The following CCDC7 variants were observed in gnomAD, a reference collection of about 807,000 sequenced individuals.
CCDC7 encodes the protein coiled-coil domain containing 7.
In CCDC7, 183 loss-of-function variants were observed where a neutral mutation model predicts 196.9. That is an observed-to-expected ratio of 0.93 (90% CI 0.82 to 1.05). The LOEUF is 1.05. Among genes scored for constraint, CCDC7 ranks in the 50% least tolerant of loss-of-function variants. The pLI is 0.00. For missense variants in CCDC7, 1,540 were observed against 1,482.2 expected, an observed-to-expected ratio of 1.04 and a Z score of -0.64; for synonymous variants, 525 against 484.6, an observed-to-expected ratio of 1.08 and a Z score of -1.10.
chr10:32,778,892 C>G, intron 28 of CCDC7, 85 bp from the exon 30 acceptor site: 1 of 928,744 alleles, frequency 1.1e-6, no homozygotes, highest in Non-Finnish European at 1.7e-6. Flanking sequence ...AGATCTTTCA[C>G]CTTCTTGGTT....
intron 11 of CCDC7, among the ~76,000 whole-genome samples, chr10:32,537,193 T>A (rs1033373287): frequency 1.3e-5 from 2 of 152,202 alleles, no homozygotes; most frequent in African/African-American, 4.8e-5. Context: ...TAATTGGCAT[T>A]CTGACTGGTA....
chr10:32,857,259 A>G (rs1294015892), intron 41 of CCDC7, among the ~76,000 whole-genome samples: 1 of 152,300 alleles, frequency 6.6e-6, no homozygotes, highest in East Asian at 1.9e-4. Flanking sequence ...AAAAACAAAA[A>G]TTAGCAAATA....
intron 18 of CCDC7, among the ~76,000 whole-genome samples, 168 bp from the exon 20 acceptor site, chr10:32,634,086 A>G (rs980472489): frequency 6.6e-6 from 1 of 152,154 alleles, no homozygotes; most frequent in Non-Finnish European, 1.5e-5. Flanking sequence ...TACACCTATT[A>G]AAACTTCTCA....
chr10:32,723,205 A>C lies in CCDC7; in HGVS notation c.2570-3529A>C, dbSNP rs574303371. Among the ~76,000 whole-genome samples the C allele has an allele frequency of 5.9e-5, 9 of 152,240 alleles. No individual in the cohort carries two copies. In the East Asian group the frequency reaches 1.7e-3, roughly 29 times the overall value. On this transcript the variant is annotated intron_variant, in intron 25 of 41. Transcript: ENST00000639629. ...CTGGAATCAGCGATCTTGTTGTGAAAGTGCTTGCCCAGATGGTCCTGGAGA... is the reference window on the plus strand; with the variant it reads ...CTGGAATCAGCGATCTTGTTGTGAACGTGCTTGCCCAGATGGTCCTGGAGA...
At chr10:32,851,958 A>C in intron 40 of CCDC7, 26 bp downstream of exon 41, 1 of 1,562,076 alleles carries the variant, frequency 6.4e-7, no homozygotes, top group Non-Finnish European at 8.6e-7. Flanking sequence ...TTTAGTGTAC[A>C]GTGTGATTTT....
At position 32,868,823 on chromosome 10, in the gene CCDC7, G is replaced by GT. The variant is rs539425741; in HGVS notation, c.4112-7518dup. 2.5e-4 allele frequency among the ~76,000 whole-genome samples: 38 copies of GT among 150,202 alleles called. 1 individual carries two copies. The South Asian group carries it at 7.4e-3, about 29-fold the overall frequency. ...TATGAGTGAGAACATGTGGTGTTTGGTTTTTTGTCCTTCCGATACTTTGCT... is the reference window on the plus strand; with the variant it reads ...TATGAGTGAGAACATGTGGTGTTTGGTTTTTTTGTCCTTCCGATACTTTGCT... On this transcript the variant is annotated intron_variant, in intron 41 of 41. Coordinates refer to ENST00000639629, the Ensembl canonical transcript of CCDC7.
At chr10:32,768,074 A>G (rs2078611995) in intron 28 of CCDC7, among the ~76,000 whole-genome samples, 1 of 152,152 alleles carries the variant, frequency 6.6e-6, no homozygotes, top group South Asian at 2.1e-4. Context: ...GAAGAAAAAA[A>G]TGGAAAAGAA....
At chr10:32,789,739 G>A (rs974704114) in intron 29 of CCDC7, among the ~76,000 whole-genome samples, 1 of 152,116 alleles carries the variant, frequency 6.6e-6, no homozygotes, top group Non-Finnish European at 1.5e-5. Context: ...TCACAGAGGA[G>A]TAGGTTTGTT....
chr10:32,540,909 G>A (rs1005113583), intron 11 of CCDC7, among the ~76,000 whole-genome samples: 3 of 152,126 alleles, frequency 2.0e-5, no homozygotes, highest in African/African-American at 7.2e-5. Context: ...GGATTTGAAT[G>A]TTGTCCTCTC....
chr10:32,521,875 T>G (rs2135606731), intron 11 of CCDC7, among the ~76,000 whole-genome samples: 1 of 152,280 alleles, frequency 6.6e-6, no homozygotes, highest in South Asian at 2.1e-4. Context: ...GGTATGTTTC[T>G]TCTGTAGCCA....
chr10:32,719,051 G>A (rs2082023791), intron 25 of CCDC7, among the ~76,000 whole-genome samples: 2 of 152,088 alleles, frequency 1.3e-5, no homozygotes, highest in Admixed American at 1.3e-4. Context: ...ACCAAAAAAA[G>A]AGCCCGTATA....
chr10:32,541,190 A>G (rs1290767884), intron 11 of CCDC7, among the ~76,000 whole-genome samples: 2 of 152,104 alleles, frequency 1.3e-5, no homozygotes. Flanking sequence ...AAGTAGGACC[A>G]CTGAGCTAGA....
chr10:32,501,009 T>C (rs11599630), intron 9 of CCDC7, among the ~76,000 whole-genome samples: 20,384 of 151,990 alleles, frequency 0.13, 1,616 homozygotes, highest in African/African-American at 0.23. Flanking sequence ...CAGTCCAGCC[T>C]CCGCTCGGCA....
In CCDC7 at chr10:32,836,388, CATCCAAAAT is replaced by C. The variant is rs372824163; in HGVS notation, c.3352+1505_3352+1513del. Among the ~76,000 whole-genome samples, 317 of 152,206 alleles carry C rather than the reference CATCCAAAAT, an allele frequency of 2.1e-3. 2 individuals carry two copies. The highest frequency in any genetic ancestry group is 6.0e-3 in the African/African-American group (249 of 41,554). On this transcript the variant is annotated intron_variant, in intron 33 of 41. Transcript: ENST00000639629. ...CAATATCTAGATTTTTCTACAATAT[CATCCAAAAT>C]ATCCAAAATATCCAGTTTTTATTCT...
intron 3 of CCDC7, 57 bp from the exon 5 acceptor site, chr10:32,462,625 AT>A: frequency 7.9e-7 from 1 of 1,260,920 alleles, no homozygotes. Flanking sequence ...TAAATATTAT[AT>A]TATACATTGT....
intron 13 of CCDC7, among the ~76,000 whole-genome samples, chr10:32,563,551 A>C (rs975100330): frequency 3.3e-5 from 5 of 152,236 alleles, no homozygotes; most frequent in Admixed American, 3.3e-4. Context: ...CAATGGGGAA[A>C]GGATTCCCTA....
At chr10:32,852,364 A>T (rs758839672) in intron 40 of CCDC7, among the ~76,000 whole-genome samples, 1 of 152,142 alleles carries the variant, frequency 6.6e-6, no homozygotes, top group Non-Finnish European at 1.5e-5. Context: ...ATTATCATCT[A>T]CCTAGGCTTT....
At chr10:32,480,149 G>GT (rs2134106724) in intron 8 of CCDC7, among the ~76,000 whole-genome samples, 1 of 151,842 alleles carries the variant, frequency 6.6e-6, no homozygotes, top group Non-Finnish European at 1.5e-5. Context: ...CCAAATCTTA[G>GT]TTTTGTTGAA....
intron 9 of CCDC7, chr10:32,512,766 A>C (rs1394679628): frequency 2.0e-5 from 3 of 152,200 alleles, no homozygotes; most frequent in Admixed American, 1.3e-4. Context: ...AAAACACATA[A>C]GAAAAATAGG....
Sources: allele counts gnomAD v4.1 joint callset (sites outside exome capture counted in the v4.1 genomes callset), GRCh38; gene constraint gnomAD v4.1.1; transcripts MANE v1.5; gene names NCBI Gene and HGNC (gene_info 2026-07-23, HGNC 2026-07-21).